The following DCT variants were observed in gnomAD, a reference collection of about 807,000 sequenced individuals.
DCT encodes the protein L-dopachrome tautomerase.
Under a neutral mutation model 53.0 loss-of-function variants are expected in DCT, and 47 were observed. The observed-to-expected ratio is 0.89, with a 90% CI of 0.70 to 1.13. The LOEUF is 1.13. Among genes scored for constraint, DCT ranks in the 50% most tolerant of loss-of-function variants. The pLI, the probability that DCT is intolerant of heterozygous loss-of-function variation, is 0.00. For missense variants in DCT, 669 were observed against 637.4 expected, an observed-to-expected ratio of 1.05 and a Z score of -0.53; for synonymous variants, 244 against 237.0, an observed-to-expected ratio of 1.03 and a Z score of -0.27.
At chr13:94,539,516 C>A in the DCT span, among the ~76,000 whole-genome samples, 13 of 152,266 alleles carry the variant, frequency 8.5e-5, no homozygotes, top group South Asian at 2.1e-3. Flanking sequence ...CAAAGCTAAA[C>A]CTGCGCAACA....
the DCT span, among the ~76,000 whole-genome samples, chr13:94,513,684 C>G: frequency 6.6e-6 from 1 of 151,832 alleles, no homozygotes; most frequent in Non-Finnish European, 1.5e-5. Context: ...TGGGAGATGG[C>G]CTTTAGATAA....
chr13:94,488,578 G>T, the DCT span, among the ~76,000 whole-genome samples: 1 of 151,994 alleles, frequency 6.6e-6, no homozygotes, highest in African/African-American at 2.4e-5. Flanking sequence ...GCCAGGCGTG[G>T]TGGTGCATGC....
chr13:94,440,676 GTTTTTTTT>G (rs761688508), intron 7 of DCT, among the ~76,000 whole-genome samples: 1 of 98,054 alleles, frequency 1.0e-5, no homozygotes, highest in African/African-American at 4.1e-5. Flanking sequence ...TCATTTTTTG[GTTTTTTTT>G]TTTTTTTTTT....
intron 2 of DCT, chr13:94,467,793 C>T (rs1359781327): frequency 6.6e-6 from 1 of 152,090 alleles, no homozygotes; most frequent in Non-Finnish European, 1.5e-5. Flanking sequence ...TCTTGCTCTT[C>T]AAAGTGAGCT....
At chr13:94,518,312 C>G in the DCT span, among the ~76,000 whole-genome samples, 1 of 152,194 alleles carries the variant, frequency 6.6e-6, no homozygotes. Context: ...GAACCCTCCA[C>G]ACTGCTTACC....
intron 3 of DCT, 78 bp from the exon 4 acceptor site, chr13:94,465,877 T>C: frequency 8.2e-7 from 1 of 1,215,784 alleles, no homozygotes; most frequent in Non-Finnish European, 1.1e-6. Flanking sequence ...CAAAGGCTGA[T>C]ATGTATCTGA....
intron 6 of DCT, among the ~76,000 whole-genome samples, chr13:94,446,564 T>C (rs1391584705): frequency 6.6e-6 from 1 of 152,214 alleles, no homozygotes; most frequent in African/African-American, 2.4e-5. Context: ...ATTTGGTGGA[T>C]ATTATTTGTT....
At chr13:94,549,126 G>C in the DCT span, among the ~76,000 whole-genome samples, 1 of 152,250 alleles carries the variant, frequency 6.6e-6, no homozygotes, top group Admixed American at 6.5e-5. Context: ...GGCCGGCCTC[G>C]GTGCGCCTCT....
the DCT span, among the ~76,000 whole-genome samples, chr13:94,517,263 C>T: frequency 7.5e-3 from 1,146 of 152,292 alleles, 14 homozygotes; most frequent in African/African-American, 0.026. Context: ...TGACAATTAA[C>T]CTCAACAATT....
intron 2 of DCT, chr13:94,467,694 G>T (rs764094644): frequency 8.5e-5 from 13 of 152,292 alleles, no homozygotes; most frequent in Non-Finnish European, 1.8e-4. Flanking sequence ...TCAGAGCAAG[G>T]TTTCAAATTC....
chr13:94,486,306 C>A, the DCT span, among the ~76,000 whole-genome samples: 1 of 152,288 alleles, frequency 6.6e-6, no homozygotes. Context: ...ATTTAAATTC[C>A]AAGAAACTGC....
chr13:94,478,302 T>C (rs960724990), intron 1 of DCT, among the ~76,000 whole-genome samples: 1 of 151,840 alleles, frequency 6.6e-6, no homozygotes, highest in Non-Finnish European at 1.5e-5. Context: ...GCCAACATGG[T>C]GAAACCCCGT....
chr13:94,461,872 C>T, intron 5 of DCT, 138 bp downstream of exon 5: 1 of 671,814 alleles, frequency 1.5e-6, no homozygotes, highest in South Asian at 2.2e-5. Flanking sequence ...CCCTTGCTAA[C>T]TTCTCTCGTT....
the DCT span, among the ~76,000 whole-genome samples, chr13:94,486,799 A>G: frequency 2.0e-5 from 3 of 152,290 alleles, no homozygotes; most frequent in East Asian, 1.9e-4. Context: ...TATCTACTTT[A>G]ATATTCTCCT....
intron 6 of DCT, among the ~76,000 whole-genome samples, chr13:94,450,146 G>C (rs1338430017): frequency 6.6e-6 from 1 of 152,090 alleles, no homozygotes; most frequent in Non-Finnish European, 1.5e-5. Flanking sequence ...GCAAGAAAAT[G>C]GCCGTTATGA....
intron 5 of DCT, 100 bp from the exon 6 acceptor site, chr13:94,460,326 G>A (rs1414945818): frequency 1.8e-6 from 2 of 1,134,468 alleles, no homozygotes; most frequent in African/African-American, 3.1e-5. Context: ...TTTGAGATTG[G>A]GTAGGGATAT....
chr13:94,523,187 T>C, the DCT span, among the ~76,000 whole-genome samples: 1 of 152,232 alleles, frequency 6.6e-6, no homozygotes, highest in Non-Finnish European at 1.5e-5. Context: ...AAGCTCCATC[T>C]TGGGATGCTA....
the DCT span, among the ~76,000 whole-genome samples, chr13:94,506,293 G>A: frequency 1.3e-5 from 2 of 152,034 alleles, no homozygotes; most frequent in African/African-American, 2.4e-5. Flanking sequence ...CTAGGCTCTT[G>A]GGGAAAGTTG....
At chr13:94,520,869 AT>A in the DCT span, among the ~76,000 whole-genome samples, 1 of 152,210 alleles carries the variant, frequency 6.6e-6, no homozygotes, top group Non-Finnish European at 1.5e-5. Context: ...TTATTCCCTA[AT>A]GGTAAATCAC....
Sources: gnomAD v4.1 joint callset for allele counts (sites outside exome capture counted in the v4.1 genomes callset) on GRCh38, gnomAD v4.1.1 for gene constraint, MANE v1.5 for transcripts, NCBI Gene and HGNC (gene_info 2026-07-23, HGNC 2026-07-21) for gene names.